The following TENM3 variants were observed in gnomAD, a reference collection of about 807,000 sequenced individuals.
The protein encoded by TENM3 is teneurin transmembrane protein 3, also known as teneurin-3.
In TENM3, 63 loss-of-function variants were observed where a neutral mutation model predicts 255.1. The observed-to-expected ratio is 0.25, with a 90% CI of 0.20 to 0.30. The LOEUF is 0.30. Among genes scored for constraint, TENM3 ranks in the 10% least tolerant of loss-of-function variants. The pLI, the probability that TENM3 is intolerant of heterozygous loss-of-function variation, is 1.00. For synonymous variants in TENM3, 1,306 were observed against 1,322.3 expected (o/e 0.99, Z 0.27); for missense variants, 2,929 against 3,461.1 (o/e 0.85, Z 3.86).
chr4:182,088,450 CCCAA>C, the TENM3 span, among the ~76,000 whole-genome samples: 1 of 152,128 alleles, frequency 6.6e-6, no homozygotes, highest in African/African-American at 2.4e-5. Context: ...CAGCTTTCTC[CCCAA>C]CCTTTCAACA....
chr4:181,775,862 T>C, the TENM3 span, among the ~76,000 whole-genome samples: 21 of 152,184 alleles, frequency 1.4e-4, no homozygotes, highest in Non-Finnish European at 2.4e-4. Flanking sequence ...GATTTGTCAT[T>C]ATCAAATTAG....
At chr4:181,965,519 T>A in the TENM3 span, among the ~76,000 whole-genome samples, 1 of 152,210 alleles carries the variant, frequency 6.6e-6, no homozygotes, top group Non-Finnish European at 1.5e-5. Context: ...CAGATGAGGA[T>A]GCTTATTTAT....
chr4:181,769,791 G>T, the TENM3 span, among the ~76,000 whole-genome samples: 6 of 152,226 alleles, frequency 3.9e-5, no homozygotes, highest in East Asian at 1.2e-3. Context: ...ATATGTAGGA[G>T]GAATTGGATG....
chr4:182,394,907 G>T (rs1354796877), intron 3 of TENM3, among the ~76,000 whole-genome samples: 1 of 152,146 alleles, frequency 6.6e-6, no homozygotes, highest in Non-Finnish European at 1.5e-5. Flanking sequence ...AAGATAAATT[G>T]TTTGGGTTGT....
At chr4:181,550,337 C>T in the TENM3 span, among the ~76,000 whole-genome samples, 4 of 152,212 alleles carry the variant, frequency 2.6e-5, no homozygotes, top group Non-Finnish European at 5.9e-5. Context: ...CACCTACCTA[C>T]AGCAAACAAG....
chr4:182,011,205 C>G, the TENM3 span, among the ~76,000 whole-genome samples: 6 of 152,276 alleles, frequency 3.9e-5, no homozygotes, highest in South Asian at 1.2e-3. Flanking sequence ...TTCTCTAAAG[C>G]CCAAAACTGA....
At chr4:182,794,694 T>C (rs954815151) in intron 26 of TENM3, among the ~76,000 whole-genome samples, 5 of 152,262 alleles carry the variant, frequency 3.3e-5, no homozygotes, top group African/African-American at 1.2e-4. Flanking sequence ...GTTTAGTGCA[T>C]GCTACCTTTT....
the TENM3 span, among the ~76,000 whole-genome samples, chr4:181,990,086 T>G: frequency 4.6e-5 from 7 of 152,140 alleles, no homozygotes; most frequent in African/African-American, 1.7e-4. Context: ...GTACAATGTA[T>G]AGTACTAACC....
chr4:181,644,227 T>C, the TENM3 span, among the ~76,000 whole-genome samples: 2 of 152,118 alleles, frequency 1.3e-5, no homozygotes, highest in African/African-American at 4.8e-5. Flanking sequence ...CCAGTGTTCC[T>C]TACCTGGAAG....
intron 3 of TENM3, among the ~76,000 whole-genome samples, chr4:182,582,441 C>T (rs1017684747): frequency 2.6e-5 from 4 of 152,094 alleles, no homozygotes; most frequent in Admixed American, 6.6e-5. Context: ...CAGGATAGTG[C>T]ATGTTAAGCC....
intron 3 of TENM3, among the ~76,000 whole-genome samples, chr4:182,589,629 G>A (rs546225609): frequency 5.4e-4 from 82 of 152,094 alleles, no homozygotes; most frequent in African/African-American, 1.9e-3. Flanking sequence ...TGAAAGCAAG[G>A]TTCGGTCTTA....
the TENM3 span, among the ~76,000 whole-genome samples, chr4:181,816,242 C>T: frequency 6.6e-6 from 1 of 152,176 alleles, no homozygotes; most frequent in Non-Finnish European, 1.5e-5. Flanking sequence ...CCCAACCTTC[C>T]AGTCTTTGAG....
chr4:181,848,358 C>G, the TENM3 span, among the ~76,000 whole-genome samples: 1 of 152,098 alleles, frequency 6.6e-6, no homozygotes, highest in Non-Finnish European at 1.5e-5. Context: ...GTGATGAAGC[C>G]AGAAGTAGAT....
intron 3 of TENM3, among the ~76,000 whole-genome samples, chr4:182,553,537 A>G (rs1327255718): frequency 6.6e-6 from 1 of 150,642 alleles, no homozygotes; most frequent in African/African-American, 2.5e-5. Context: ...AATAATAATA[A>G]AATTTAAAAA....
chr4:182,199,347 A>G (rs974600558), intron 1 of TENM3, among the ~76,000 whole-genome samples: 2 of 152,072 alleles, frequency 1.3e-5, no homozygotes, highest in African/African-American at 4.8e-5. Context: ...GCCTGAACCC[A>G]GGATGCGGAG....
At chr4:182,386,880 G>A (rs1011237973) in intron 3 of TENM3, among the ~76,000 whole-genome samples, 8 of 152,180 alleles carry the variant, frequency 5.3e-5, no homozygotes, top group African/African-American at 1.4e-4. Flanking sequence ...GACGAATGCC[G>A]CCCCCTGTTC....
chr4:182,550,685 G>C (rs922797428), intron 3 of TENM3, among the ~76,000 whole-genome samples: 6 of 152,096 alleles, frequency 3.9e-5, no homozygotes, highest in African/African-American at 1.4e-4. Flanking sequence ...TTCTATCACT[G>C]TAAATCTGTG....
At chr4:182,409,621 A>G (rs1457704795) in intron 3 of TENM3, among the ~76,000 whole-genome samples, 3 of 152,196 alleles carry the variant, frequency 2.0e-5, no homozygotes, top group South Asian at 2.1e-4. Flanking sequence ...TCAGCCGTCT[A>G]CTGACATGGG....
chr4:182,717,984 G>A (rs375191920), intron 13 of TENM3, among the ~76,000 whole-genome samples: 6 of 152,070 alleles, frequency 3.9e-5, no homozygotes, highest in African/African-American at 1.4e-4. Flanking sequence ...CACAGTCTTC[G>A]GTTCCTCAAG....
Sources: gnomAD v4.1 joint callset for allele counts (sites outside exome capture counted in the v4.1 genomes callset) on GRCh38, gnomAD v4.1.1 for gene constraint, MANE v1.5 for transcripts, NCBI Gene and HGNC (gene_info 2026-07-23, HGNC 2026-07-21) for gene names.